ENOX2: variants seen among roughly 807,000 people sequenced by gnomAD.
The protein encoded by ENOX2 is APK1 antigen.
Under a neutral mutation model 45.0 loss-of-function variants are expected in ENOX2, and 36 were observed. The observed-to-expected ratio is 0.80, with a 90% CI of 0.61 to 1.06. The LOEUF is 1.06. ENOX2 is among the 50% of genes least tolerant of loss of function. ENOX2 has a pLI of 0.00. For missense variants in ENOX2, 423 were observed against 462.5 expected (o/e 0.91, Z 0.78); for synonymous variants, 174 against 152.3 (o/e 1.14, Z -1.05).
At chrX:130,718,194 C>T (rs989852729) in intron 3 of ENOX2, among the ~76,000 whole-genome samples, 1 of 111,994 alleles carries the variant, frequency 8.9e-6, no homozygotes, top group Non-Finnish European at 1.9e-5. Flanking sequence ...AGCAGTGAAT[C>T]CGTATGTAAA....
chrX:130,895,366 G>A (rs2079045895), intron 2 of ENOX2, among the ~76,000 whole-genome samples: 1 of 111,586 alleles, frequency 9.0e-6, no homozygotes, highest in Admixed American at 9.5e-5. Flanking sequence ...GGCTTATTGT[G>A]GGGCAGTTTC....
At position 130,665,694 on chromosome X, in the gene ENOX2, G is replaced by A. The variant is rs190303089; in HGVS notation, c.963C>T (p.His321=). 7.5e-6 allele frequency: 9 copies of A among 1,204,102 alleles called. No individual in the cohort carries two copies. In the African/African-American group the frequency reaches 1.4e-4, roughly 19 times the overall value. Residue 321 remains histidine, a synonymous_variant, in exon 9 of 15, where the codon CAC becomes CAT. Coordinates refer to ENST00000394363, the MANE Select transcript of ENOX2 (RefSeq NM_006375.4). Reference sequence around the variant, plus strand: ...TGTTCTTCCGCTGGGCTTTTGTGAAGTGGTCCCATGCCTTCTGCTTGGAGG... The same window carrying A: ...TGTTCTTCCGCTGGGCTTTTGTGAAATGGTCCCATGCCTTCTGCTTGGAGG... ...HSASKQKAWD[H]FTKAQRKNIS...
chrX:130,728,914 C>G (rs915594906), intron 3 of ENOX2, among the ~76,000 whole-genome samples: 4 of 111,339 alleles, frequency 3.6e-5, no homozygotes, highest in Non-Finnish European at 7.5e-5. Flanking sequence ...CTTTCACTTG[C>G]TCAATTTTTT....
Position 130,665,719 on chromosome X carries a change from G to A in ENOX2, c.938C>T (p.Ala313Val). 8.3e-7 allele frequency: 1 copy of A among 1,201,958 alleles called. No homozygotes were observed. The highest frequency in any genetic ancestry group is 1.1e-6 in the Non-Finnish European group (1 of 889,415). Reference sequence around the variant, plus strand: ...GTGGTCCCATGCCTTCTGCTTGGAGGCGGAATGGTACACAGCCACTATCTG... The same window carrying A: ...GTGGTCCCATGCCTTCTGCTTGGAGACGGAATGGTACACAGCCACTATCTG... Reference protein sequence around the residue: ...FEQIVAVYHSASKQKAWDHFT... With the variant: ...FEQIVAVYHSVSKQKAWDHFT... The change falls in exon 9 of 15, where the codon GCC (alanine) becomes GTC (valine). Residue 313 changes from alanine (A) to valine (V), a missense_variant. Around this residue, in one of 5 missense-constraint regions of ENOX2, gnomAD observed 261 missense variants for 306.8 expected, o/e 0.85. Coordinates refer to ENST00000394363, the MANE Select transcript of ENOX2 (RefSeq NM_006375.4).
chrX:130,698,914 C>T (rs913821248), intron 4 of ENOX2, among the ~76,000 whole-genome samples: 8 of 111,822 alleles, frequency 7.2e-5, no homozygotes, highest in Admixed American at 1.9e-4. Flanking sequence ...TTTTGGACTT[C>T]ACAGGCTCCA....
At chrX:130,647,699 AT>A (rs1258804774) in intron 10 of ENOX2, among the ~76,000 whole-genome samples, 1 of 109,228 alleles carries the variant, frequency 9.2e-6, no homozygotes. Flanking sequence ...TTTTTTATTT[AT>A]TTTTTTTTGT....
chrX:130,694,751 C>T lies in ENOX2; in HGVS notation c.98-5733G>A, dbSNP rs145432941. On this transcript the variant is annotated intron_variant, in intron 4 of 14. Transcript: ENST00000394363. ...CCTAGTAGCTGGGATTACAAGCACG[C>T]GCCAATATGCCCAGCTAATTTTTGT... Among the ~76,000 whole-genome samples the T allele has an allele frequency of 6.1e-3, 661 of 109,115 alleles. 1 individual carries two copies. The highest frequency in any genetic ancestry group is 0.043 in the Middle Eastern group (9 of 211). 94.8% of individuals were successfully genotyped at this position (109,115 alleles called of 115,157 possible).
rs186762435 is a variant in ENOX2 at position 130,739,692 on chromosome X, T to C, written c.-38-36438A>G. Among the ~76,000 whole-genome samples the C allele has an allele frequency of 3.0e-4, 34 of 111,966 alleles. No individual in the cohort carries two copies. In the East Asian group the frequency reaches 9.0e-3, roughly 30 times the overall value. On this transcript the variant is annotated intron_variant, in intron 3 of 14. Transcript: ENST00000394363. ...ATCGCCATCTACCTGATAAGGAAAA[T>C]AGGGCTCAGAGAAGTTAATGTTTGT...
chrX:130,763,476 A>G (rs185297205), intron 3 of ENOX2, among the ~76,000 whole-genome samples: 5 of 110,767 alleles, frequency 4.5e-5, no homozygotes, highest in African/African-American at 1.6e-4. Context: ...CATAACTGTT[A>G]ACTGTCAGAG....
At chrX:130,809,442 G>A (rs750836652) in intron 2 of ENOX2, among the ~76,000 whole-genome samples, 1 of 112,129 alleles carries the variant, frequency 8.9e-6, no homozygotes, top group Admixed American at 9.4e-5. Flanking sequence ...GGATTCTACT[G>A]GGATGACAAT....
intron 2 of ENOX2, among the ~76,000 whole-genome samples, chrX:130,857,011 C>A (rs2078319696): frequency 9.0e-6 from 1 of 111,689 alleles, no homozygotes; most frequent in Admixed American, 9.5e-5. Context: ...CTTATATGTT[C>A]ATAGCAGACT....
chrX:130,645,682 C>A (rs1012837040), intron 10 of ENOX2: 2 of 542,080 alleles, frequency 3.7e-6, no homozygotes, highest in Non-Finnish European at 5.9e-6. Context: ...GGGCCTGCTG[C>A]GTTTCATGCC....
intron 10 of ENOX2, among the ~76,000 whole-genome samples, chrX:130,656,059 G>A (rs2036538708): frequency 8.9e-6 from 1 of 112,009 alleles, no homozygotes; most frequent in East Asian, 2.8e-4. Context: ...TCAACTTTAG[G>A]TCCAGTGGCT....
intron 3 of ENOX2, among the ~76,000 whole-genome samples, chrX:130,734,061 A>C (rs5975224): frequency 2.0e-3 from 228 of 112,686 alleles, no homozygotes; most frequent in African/African-American, 7.0e-3. Context: ...CAGTTCAGAT[A>C]GGTGTCCCAG....
chrX:130,735,645 A>G (rs1361530630), intron 3 of ENOX2, among the ~76,000 whole-genome samples: 2 of 112,596 alleles, frequency 1.8e-5, no homozygotes, highest in Non-Finnish European at 3.7e-5. Flanking sequence ...AAATACAAGT[A>G]TGAAAAGTTG....
chrX:130,882,153 T>G (rs1287651099), intron 2 of ENOX2, among the ~76,000 whole-genome samples: 1 of 110,568 alleles, frequency 9.0e-6, no homozygotes, highest in African/African-American at 3.3e-5. Flanking sequence ...GCAATTGAAA[T>G]GTAGAGAACA....
intron 3 of ENOX2, among the ~76,000 whole-genome samples, chrX:130,726,035 G>A (rs1170694451): frequency 8.9e-6 from 1 of 112,173 alleles, no homozygotes; most frequent in East Asian, 2.8e-4. Context: ...ATGTTTAAAA[G>A]AAAAGACCAG....
At chrX:130,681,537 A>G (rs564061914) in intron 5 of ENOX2, among the ~76,000 whole-genome samples, 1 of 112,068 alleles carries the variant, frequency 8.9e-6, no homozygotes, top group African/African-American at 3.2e-5. Flanking sequence ...AGGTCACCAC[A>G]TTAGAGAGAA....
chrX:130,776,107 A>G (rs994478384), intron 3 of ENOX2, among the ~76,000 whole-genome samples: 1 of 111,658 alleles, frequency 9.0e-6, no homozygotes, highest in African/African-American at 3.3e-5. Context: ...AAGGACAAAA[A>G]TGACATTTGC....
Sources: allele counts gnomAD v4.1 joint callset (sites outside exome capture counted in the v4.1 genomes callset), GRCh38; gene constraint gnomAD v4.1.1; regional missense constraint gnomAD v4.1.1; transcripts MANE v1.5; gene names NCBI Gene and HGNC (gene_info 2026-07-23, HGNC 2026-07-21).